Variants in AP3D1 observed in about 807,000 individuals in gnomAD.
AP3D1 encodes adaptor related protein complex 3 subunit delta 1, also known as AP-3 complex subunit delta-1.
Under a neutral mutation model 147.6 loss-of-function variants are expected in AP3D1, and 51 were observed. That is an observed-to-expected ratio of 0.35 (90% CI 0.28 to 0.44). The LOEUF (loss-of-function observed/expected upper bound fraction) is 0.44. Ranked by LOEUF, AP3D1 falls within the 20% of genes least tolerant of loss-of-function variation. The pLI, the probability that AP3D1 is intolerant of heterozygous loss-of-function variation, is 1.00. For missense variants in AP3D1, 1,421 were observed against 1,624.2 expected (o/e 0.87, Z 2.15); for synonymous variants, 760 against 663.0 (o/e 1.15, Z -2.25).
intron 1 of AP3D1, among the ~76,000 whole-genome samples, chr19:2,144,409 G>A (rs1324445738): frequency 1.3e-5 from 2 of 152,102 alleles, no homozygotes; most frequent in Non-Finnish European, 2.9e-5. Context: ...CCCCCACACC[G>A]GGACCTACCT....
At chr19:2,140,948 G>A (rs370510162) in intron 1 of AP3D1, among the ~76,000 whole-genome samples, 4 of 151,674 alleles carry the variant, frequency 2.6e-5, no homozygotes, top group South Asian at 4.2e-4. Flanking sequence ...TGGTAGAGAC[G>A]GGGTTTCGCC....
chr19:2,148,677 G>A (rs986853205), intron 1 of AP3D1, among the ~76,000 whole-genome samples: 1 of 152,284 alleles, frequency 6.6e-6, no homozygotes, highest in East Asian at 1.9e-4. Context: ...AGAGCAGGGG[G>A]CTCTAGATGG....
At chr19:2,117,757 G>C (rs377591570) in intron 15 of AP3D1, among the ~76,000 whole-genome samples, 1 of 152,240 alleles carries the variant, frequency 6.6e-6, no homozygotes, top group African/African-American at 2.4e-5. Flanking sequence ...CAAGGATCAT[G>C]GCCAGCCCCG....
chr19:2,148,590 G>A (rs527364341), intron 1 of AP3D1, among the ~76,000 whole-genome samples: 8 of 152,328 alleles, frequency 5.3e-5, no homozygotes, highest in South Asian at 4.1e-4. Context: ...CCAGAAAACC[G>A]CGTGTCACTG....
chr19:2,128,116 C>G (rs775075880), intron 8 of AP3D1, among the ~76,000 whole-genome samples: 55 of 152,204 alleles, frequency 3.6e-4, no homozygotes, highest in Non-Finnish European at 6.9e-4. Flanking sequence ...CCACTGCACC[C>G]CTCCCCTTCC....
At chr19:2,137,239 C>G in intron 3 of AP3D1, 148 bp from the exon 4 acceptor site, 1 of 669,502 alleles carries the variant, frequency 1.5e-6, no homozygotes, top group Non-Finnish European at 2.6e-6. Flanking sequence ...CAAGTGGGAA[C>G]CAACCCGCAT....
chr19:2,110,223 G>A lies in AP3D1; in HGVS notation c.3177C>T (p.Gly1059=), dbSNP rs115348240. The A allele has an allele frequency of 6.0e-4, 970 of 1,611,458 alleles. 8 individuals are homozygous for A. In the African/African-American group the frequency reaches 0.012, roughly 20 times the overall value. The change falls in exon 28 of 32, where the codon GGC becomes GGT. Residue 1059 remains glycine (G), a splice_region_variant and synonymous_variant. Transcript: ENST00000643116. ...ACACATACTGGGCTTCGTTGGAGAC[G>A]CCTGGCGGGGGCGAGAGGGAGTGGG... ...GVPVPFQLPP[G]VSNEAQYVFT...
At chr19:2,138,846 G>T in intron 1 of AP3D1, 132 bp from the exon 2 acceptor site, 2 of 636,520 alleles carry the variant, frequency 3.1e-6, no homozygotes, top group East Asian at 6.1e-5. Flanking sequence ...CAGATCACGA[G>T]GTCGGGAGTT....
intron 1 of AP3D1, among the ~76,000 whole-genome samples, chr19:2,157,342 TGAG>T (rs1477115556): frequency 1.4e-5 from 2 of 145,102 alleles, no homozygotes; most frequent in East Asian, 4.1e-4. Context: ...CTTGGGAGGC[TGAG>T]GCAGGAGAAT....
upstream of AP3D1, among the ~76,000 whole-genome samples, chr19:2,154,094 C>CCCA (rs1380751804): frequency 1.3e-5 from 2 of 151,804 alleles, no homozygotes; most frequent in African/African-American, 2.4e-5. Context: ...ATTACAGCTG[C>CCCA]CCACCACCAC....
chr19:2,116,066 A>C, intron 18 of AP3D1, 141 bp downstream of exon 18: 2 of 801,378 alleles, frequency 2.5e-6, no homozygotes, highest in Non-Finnish European at 3.9e-6. Flanking sequence ...TGCCCCTCAA[A>C]GGCTCCGCAC....
rs763981887 is a variant in AP3D1 at position 2,121,022 on chromosome 19, T to C, written c.1321A>G (p.Met441Val). 3 of 1,612,492 alleles carry C rather than the reference T, an allele frequency of 1.9e-6. No individual in the cohort carries two copies. Among genetic ancestry groups the C allele is most frequent in the Non-Finnish European group, 2.5e-6 (3 of 1,179,964 alleles). ...TRHGHLIAAQ[M>V]LDVAIRVKAI... ...TTCACGCGGATGGCCACGTCCAGCA[T>C]TTGGGCGGCGATGAGGTGGCCGTGC... is the stretch of plus-strand genomic sequence containing the variant. Residue 441 changes from methionine (M) to valine (V), a missense_variant, in exon 14 of 32, where the codon ATG (methionine) becomes GTG (valine). Physicochemically the swap from Met to Val is conservative, Grantham distance 21. Transcript: ENST00000643116.
intron 18 of AP3D1, among the ~76,000 whole-genome samples, chr19:2,115,870 C>CT (rs1250195467): frequency 1.3e-5 from 2 of 152,254 alleles, no homozygotes; most frequent in African/African-American, 2.4e-5. Context: ...TCCTCGTTCA[C>CT]TTTTTTTACG....
At chr19:2,140,858 A>G (rs948869901) in intron 1 of AP3D1, among the ~76,000 whole-genome samples, 4 of 147,878 alleles carry the variant, frequency 2.7e-5, no homozygotes, top group African/African-American at 5.0e-5. Flanking sequence ...TCCCAGGTTC[A>G]AGTGATTCTC....
At chr19:2,148,261 A>C (rs1051031325) in intron 1 of AP3D1, among the ~76,000 whole-genome samples, 26 of 152,164 alleles carry the variant, frequency 1.7e-4, no homozygotes, top group Admixed American at 1.3e-3. Flanking sequence ...AATTCTATCG[A>C]GCTTTAGAAG....
intron 31 of AP3D1, 150 bp from the exon 32 acceptor site, chr19:2,102,418 AC>A (rs753355428): frequency 2.5e-5 from 16 of 641,210 alleles, no homozygotes; most frequent in Non-Finnish European, 4.1e-5. Context: ...ACACGGTGAA[AC>A]CCTGTCTCTA....
intron 21 of AP3D1, 75 bp from the exon 22 acceptor site, chr19:2,114,377 C>G: frequency 1.5e-6 from 2 of 1,293,564 alleles, no homozygotes; most frequent in African/African-American, 1.5e-5. Context: ...ATGCCGTGTC[C>G]AAGCATGTGG....
At chr19:2,108,394 G>A (rs577972483) in intron 31 of AP3D1, among the ~76,000 whole-genome samples, 28 of 152,324 alleles carry the variant, frequency 1.8e-4, no homozygotes, top group African/African-American at 6.3e-4. Flanking sequence ...GGCCTTGGCT[G>A]CCTTGTGCAC....
intron 1 of AP3D1, among the ~76,000 whole-genome samples, chr19:2,145,514 C>T (rs901926965): frequency 3.9e-5 from 6 of 152,278 alleles, no homozygotes; most frequent in African/African-American, 7.2e-5. Context: ...AGGCCGGGTA[C>T]GCTGCTCAGT....
Sources: gnomAD v4.1 joint callset for allele counts (sites outside exome capture counted in the v4.1 genomes callset) on GRCh38, gnomAD v4.1.1 for gene constraint, MANE v1.5 for transcripts, NCBI Gene and HGNC (gene_info 2026-07-23, HGNC 2026-07-21) for gene names.